Variants in IPCEF1 observed in about 807,000 individuals in gnomAD.
IPCEF1 encodes the protein interaction protein for cytohesin exchange factors 1, also known as interactor protein for cytohesin exchange factors 1.
A neutral mutation model predicts 50.9 loss-of-function variants in IPCEF1; 31 were observed. The ratio of observed to expected loss-of-function variants is 0.61; its 90% CI spans 0.46 to 0.82. The LOEUF is 0.82. Ranked by LOEUF, IPCEF1 falls within the 40% of genes least tolerant of loss-of-function variation. The pLI is 0.00. For synonymous variants in IPCEF1, 181 were observed against 192.0 expected, an observed-to-expected ratio of 0.94 and a Z score of 0.47; for missense variants, 458 against 514.0, an observed-to-expected ratio of 0.89 and a Z score of 1.05.
chr6:154,159,726 G>A lies in IPCEF1; in HGVS notation c.*102C>T. The A allele has an allele frequency of 1.2e-6, 1 of 831,884 alleles. No homozygotes were observed. The highest frequency in any genetic ancestry group is 1.9e-6 in the Non-Finnish European group (1 of 516,192). 51.5% of individuals were successfully genotyped at this position (831,884 alleles called of 1,614,324 possible). A position where few individuals can be genotyped will look rare whatever the true frequency, so the allele number is the denominator to read the frequency against. On this transcript the variant is annotated 3_prime_UTR_variant, in exon 12 of 12. Transcript: ENST00000367220. Reference sequence around the variant, plus strand: ...TTAGATGGGAAGCTGATGCTTGAAGGACTGGGTTTCAGTTTTCCTTTTAAG... The same window carrying A: ...TTAGATGGGAAGCTGATGCTTGAAGAACTGGGTTTCAGTTTTCCTTTTAAG...
chr6:154,260,512 C>T (rs956891569), intron 3 of IPCEF1, among the ~76,000 whole-genome samples: 2 of 150,754 alleles, frequency 1.3e-5, no homozygotes, highest in African/African-American at 4.9e-5. Flanking sequence ...TCTCTCTATC[C>T]CCCAGGCTAG....
chr6:154,183,005 A>C lies in IPCEF1; in HGVS notation c.911-14892T>G, dbSNP rs1801029286. Among the ~76,000 whole-genome samples the C allele has an allele frequency of 3.3e-5, 5 of 150,944 alleles. No individual in the cohort carries two copies. In the South Asian group the frequency reaches 1.1e-3, roughly 32 times the overall value. ...TTTTTTTTCTTTTTTTTTGAGACGG[A>C]CTCTCGCTCTGTAGCCCAGGCTGGA... On this transcript the variant is annotated intron_variant, in intron 10 of 11. Coordinates refer to ENST00000367220, the MANE Select transcript of IPCEF1 (RefSeq NM_001130700.2).
At chr6:154,351,776 CT>C (rs1784123630) in intron 1 of IPCEF1, among the ~76,000 whole-genome samples, 1 of 152,146 alleles carries the variant, frequency 6.6e-6, no homozygotes, top group Non-Finnish European at 1.5e-5. Flanking sequence ...TTTCCCAGAA[CT>C]GTTTTAAGAA....
intron 5 of IPCEF1, among the ~76,000 whole-genome samples, chr6:154,234,897 T>C (rs1233108627): frequency 5.9e-5 from 9 of 152,250 alleles, no homozygotes; most frequent in Non-Finnish European, 1.3e-4. Flanking sequence ...TGTGTGATTG[T>C]CCTCTGCCGT....
At chr6:154,192,755 C>T (rs9479788) in intron 10 of IPCEF1, among the ~76,000 whole-genome samples, 87,243 of 151,898 alleles carry the variant, frequency 0.57, 25,498 homozygotes, top group East Asian at 0.89. Flanking sequence ...CCAACAAACA[C>T]GAAGAAATGT....
At chr6:154,304,365 A>T (rs1400224718) in intron 1 of IPCEF1, among the ~76,000 whole-genome samples, 1 of 152,224 alleles carries the variant, frequency 6.6e-6, no homozygotes, top group Admixed American at 6.5e-5. Flanking sequence ...GACTTTATTC[A>T]TGTTGAGAAT....
intron 1 of IPCEF1, among the ~76,000 whole-genome samples, chr6:154,303,059 T>TAATGGGAACCCAACATATAATATAG (rs1381525578): frequency 2.0e-5 from 3 of 151,852 alleles, no homozygotes; most frequent in African/African-American, 7.3e-5. Flanking sequence ...CCCATCAGAT[T>TAATGGGAACCCAACATATAATATAG]TTGAACGCAA....
At chr6:154,281,806 C>T (rs1782219654) in intron 2 of IPCEF1, among the ~76,000 whole-genome samples, 1 of 152,080 alleles carries the variant, frequency 6.6e-6, no homozygotes, top group Non-Finnish European at 1.5e-5. Context: ...AGTTCGAGAC[C>T]AGCCTGGCCA....
Position 154,265,826 on chromosome 6 carries a change from T to G in IPCEF1, c.36+86A>C, listed in dbSNP as rs1011381529. On this transcript the variant is annotated intron_variant, in intron 3 of 11. Transcript: ENST00000367220. ...AATGAAATTGAGGACAATAAATTGC[T>G]AGCCAAACTTGAAATCAACCTACTA... The G allele has an allele frequency of 1.2e-5, 11 of 923,122 alleles. No individual in the cohort carries two copies. The Admixed American group carries it at 2.7e-4, about 23-fold the overall frequency. 57.2% of individuals were successfully genotyped at this position (923,122 alleles called of 1,614,324 possible). A position where few individuals can be genotyped will look rare whatever the true frequency, so the allele number is the denominator to read the frequency against.
At chr6:154,313,841 T>C (rs1287721818) in intron 1 of IPCEF1, among the ~76,000 whole-genome samples, 1 of 152,114 alleles carries the variant, frequency 6.6e-6, no homozygotes. Flanking sequence ...ACTACAGGAC[T>C]CAGGCAATCC....
At chr6:154,175,591 G>A (rs1049806993) in intron 10 of IPCEF1, among the ~76,000 whole-genome samples, 1 of 151,926 alleles carries the variant, frequency 6.6e-6, no homozygotes, top group Non-Finnish European at 1.5e-5. Flanking sequence ...AGAAATTCAT[G>A]GACACATACA....
intron 3 of IPCEF1, 136 bp downstream of exon 3, chr6:154,265,776 C>G (rs1781740138): frequency 3.0e-6 from 2 of 662,432 alleles, no homozygotes; most frequent in Non-Finnish European, 5.4e-6. Flanking sequence ...AATCTAGCAA[C>G]AGTGTCTTTG....
rs1024893554 is a variant in IPCEF1 at position 154,158,773 on chromosome 6, A to G, written c.*1055T>C. On this transcript the variant is annotated 3_prime_UTR_variant, in exon 12 of 12. Coordinates refer to ENST00000367220, the MANE Select transcript of IPCEF1 (RefSeq NM_001130700.2). ...AATATATAATAGTATATCATCTTTT[A>G]AACACTAGTAATTTGAACTTCTATA... 8 of 152,246 alleles carry G rather than the reference A, an allele frequency of 5.3e-5. No homozygotes were observed. Among genetic ancestry groups the G allele is most frequent in the Admixed American group, 1.3e-4 (2 of 15,284 alleles). 9.4% of individuals were successfully genotyped at this position (152,246 alleles called of 1,614,324 possible). A position where few individuals can be genotyped will look rare whatever the true frequency, so the allele number is the denominator to read the frequency against.
chr6:154,281,685 C>A (rs1334055672), intron 2 of IPCEF1, among the ~76,000 whole-genome samples: 1 of 151,932 alleles, frequency 6.6e-6, no homozygotes, highest in Non-Finnish European at 1.5e-5. Flanking sequence ...CATGGTGAAA[C>A]CCCGTCTCTA....
chr6:154,296,495 C>G (rs1782660367), intron 1 of IPCEF1, among the ~76,000 whole-genome samples: 1 of 152,142 alleles, frequency 6.6e-6, no homozygotes, highest in Admixed American at 6.5e-5. Context: ...CTGTCTGTAT[C>G]TCTCCTTGAC....
At position 154,155,835 on chromosome 6, in the gene IPCEF1, A is replaced by AACATGTCTT. The variant is rs1345814340; in HGVS notation, c.*3984_*3992dup. The stretch of plus-strand genomic sequence containing the variant: ...AAGAGATAATGTACCTATGAATTTA[A>AACATGTCTT]ACATGTCTTAAATTTGAATAGCACT... On this transcript the variant is annotated 3_prime_UTR_variant, in exon 12 of 12. Coordinates refer to ENST00000367220, the MANE Select transcript of IPCEF1 (RefSeq NM_001130700.2). 1 of 152,252 alleles carries AACATGTCTT rather than the reference A, an allele frequency of 6.6e-6. No homozygotes were observed. Among genetic ancestry groups the AACATGTCTT allele is most frequent in the East Asian group, 1.9e-4 (1 of 5,206 alleles). 9.4% of individuals were successfully genotyped at this position (152,252 alleles called of 1,614,324 possible).
intron 3 of IPCEF1, 156 bp from the exon 4 acceptor site, chr6:154,247,644 G>A: frequency 1.8e-6 from 1 of 563,720 alleles, no homozygotes; most frequent in Non-Finnish European, 3.2e-6. Flanking sequence ...ACTAGCTGAG[G>A]CACAAAATGT....
At chr6:154,260,420 G>T (rs976551388) in intron 3 of IPCEF1, among the ~76,000 whole-genome samples, 1 of 151,972 alleles carries the variant, frequency 6.6e-6, no homozygotes, top group African/African-American at 2.4e-5. Flanking sequence ...TTAAATTAAG[G>T]CTGTTTTCCT....
chr6:154,300,970 G>T (rs1386402021), intron 1 of IPCEF1, among the ~76,000 whole-genome samples: 1 of 152,160 alleles, frequency 6.6e-6, no homozygotes, highest in Non-Finnish European at 1.5e-5. Flanking sequence ...GTTAGACTTA[G>T]CTCCACATTT....
Sources: gnomAD v4.1 joint callset for allele counts (sites outside exome capture counted in the v4.1 genomes callset) on GRCh38, gnomAD v4.1.1 for gene constraint, MANE v1.5 for transcripts, NCBI Gene and HGNC (gene_info 2026-07-23, HGNC 2026-07-21) for gene names.